The following ADAMTS3 variants were observed in gnomAD, a reference collection of about 807,000 sequenced individuals.
The protein encoded by ADAMTS3 is ADAM metallopeptidase with thrombospondin type 1 motif 3.
ADAMTS3 carries 73 observed loss-of-function variants against 129.0 expected under a neutral mutation model. The ratio of observed to expected loss-of-function variants is 0.57; its 90% CI spans 0.47 to 0.69. ADAMTS3 has a LOEUF of 0.69. Ranked by LOEUF, ADAMTS3 falls within the 30% of genes least tolerant of loss-of-function variation. ADAMTS3 has a pLI of 0.00. For synonymous variants in ADAMTS3, 477 were observed against 510.8 expected (o/e 0.93, Z 0.89); for missense variants, 1,457 against 1,514.5 (o/e 0.96, Z 0.63).
At chr4:72,352,904 A>G (rs561083995) in intron 4 of ADAMTS3, among the ~76,000 whole-genome samples, 1 of 152,164 alleles carries the variant, frequency 6.6e-6, no homozygotes, top group East Asian at 1.9e-4. Context: ...TGCGGTTACT[A>G]AGAGAGGTTG....
chr4:72,508,308 G>A (rs531167712), intron 3 of ADAMTS3, among the ~76,000 whole-genome samples: 8 of 152,184 alleles, frequency 5.3e-5, no homozygotes, highest in East Asian at 3.9e-4. Flanking sequence ...TAAGCAGACT[G>A]AATGGAAGAG....
chr4:72,330,346 T>A (rs936684817), intron 5 of ADAMTS3: 1 of 152,150 alleles, frequency 6.6e-6, no homozygotes, highest in East Asian at 1.9e-4. Flanking sequence ...TATCTAACAG[T>A]GATTCATCTC....
chr4:72,390,043 A>G lies in ADAMTS3; in HGVS notation c.661+24772T>C, dbSNP rs1027297521. On this transcript the variant is annotated intron_variant, in intron 4 of 21. Coordinates refer to ENST00000286657, the MANE Select transcript of ADAMTS3 (RefSeq NM_014243.3). ...AGAGGGGAAGCGGAACTGGGAAGAA[A>G]TACCATGAATACAAATGAGAGAAAA... Among the ~76,000 whole-genome samples, 14 of 152,212 alleles carry G rather than the reference A, an allele frequency of 9.2e-5. 1 individual carries two copies. The highest frequency in any genetic ancestry group is 1.6e-4 in the Non-Finnish European group (11 of 68,038).
chr4:72,330,776 T>A (rs1475652410), intron 5 of ADAMTS3: 1 of 152,224 alleles, frequency 6.6e-6, no homozygotes, highest in Admixed American at 6.5e-5. Flanking sequence ...CTTACTTCAT[T>A]TAAGTATCAA....
chr4:72,357,091 C>G (rs991212427), intron 4 of ADAMTS3, among the ~76,000 whole-genome samples: 1 of 151,442 alleles, frequency 6.6e-6, no homozygotes, highest in Non-Finnish European at 1.5e-5. Context: ...TTAAACATAC[C>G]CACTACAATG....
chr4:72,327,719 C>T (rs140557092), intron 5 of ADAMTS3, among the ~76,000 whole-genome samples: 1,599 of 152,262 alleles, frequency 0.011, 27 homozygotes, highest in Non-Finnish European at 0.012. Context: ...TGTCGTTATA[C>T]ATAGGATGTG....
intron 4 of ADAMTS3, among the ~76,000 whole-genome samples, chr4:72,342,663 C>T (rs1000449968): frequency 3.3e-5 from 5 of 152,108 alleles, no homozygotes; most frequent in Non-Finnish European, 7.4e-5. Context: ...TGAGCCACCA[C>T]ACCTGGCCCC....
At chr4:72,514,089 T>A (rs1578749379) in intron 3 of ADAMTS3, among the ~76,000 whole-genome samples, 2 of 151,198 alleles carry the variant, frequency 1.3e-5, no homozygotes, top group East Asian at 3.9e-4. Flanking sequence ...CCTCTCCTTC[T>A]CTCTCTCTCT....
At chr4:72,288,061 T>C (rs1578552209) in intron 21 of ADAMTS3, among the ~76,000 whole-genome samples, 1 of 152,130 alleles carries the variant, frequency 6.6e-6, no homozygotes, top group Non-Finnish European at 1.5e-5. Flanking sequence ...AGACAGGGTT[T>C]TACCATGTTG....
chr4:72,303,104 C>T (rs1415818251), intron 17 of ADAMTS3, among the ~76,000 whole-genome samples: 1 of 152,152 alleles, frequency 6.6e-6, no homozygotes. Flanking sequence ...GCTATAAGGA[C>T]CTCACGCAGC....
At chr4:72,516,792 T>C (rs1384190245) in intron 3 of ADAMTS3, among the ~76,000 whole-genome samples, 1 of 152,042 alleles carries the variant, frequency 6.6e-6, no homozygotes, top group East Asian at 1.9e-4. Context: ...ACAGGGACAA[T>C]TTGACTTCCT....
chr4:72,494,132 A>C (rs931141874), intron 3 of ADAMTS3, among the ~76,000 whole-genome samples: 10 of 152,158 alleles, frequency 6.6e-5, no homozygotes, highest in African/African-American at 2.4e-4. Flanking sequence ...AGATTTGGGA[A>C]GTTTTCAGAT....
intron 3 of ADAMTS3, among the ~76,000 whole-genome samples, chr4:72,480,358 T>C (rs1719396917): frequency 6.6e-6 from 1 of 152,162 alleles, no homozygotes; most frequent in Admixed American, 6.5e-5. Context: ...TGGAATACTA[T>C]GCAGCCATAA....
intron 3 of ADAMTS3, among the ~76,000 whole-genome samples, chr4:72,428,728 G>C (rs764653164): frequency 3.3e-5 from 5 of 151,694 alleles, no homozygotes; most frequent in African/African-American, 7.3e-5. Context: ...AAACTCTCTG[G>C]AGCTCAGTTT....
At chr4:72,451,066 T>C (rs546246449) in intron 3 of ADAMTS3, among the ~76,000 whole-genome samples, 2 of 151,294 alleles carry the variant, frequency 1.3e-5, no homozygotes, top group South Asian at 4.2e-4. Context: ...CAGTTTCTAT[T>C]ATTTTCACTG....
intron 3 of ADAMTS3, among the ~76,000 whole-genome samples, chr4:72,543,238 C>T (rs1721381545): frequency 6.6e-6 from 1 of 152,106 alleles, no homozygotes; most frequent in Non-Finnish European, 1.5e-5. Context: ...ATTACCCAGT[C>T]TCAGGTATAT....
chr4:72,567,433 A>G, intron 1 of ADAMTS3, 32 bp from the exon 2 acceptor site: 1 of 1,609,390 alleles, frequency 6.2e-7, no homozygotes, highest in Non-Finnish European at 8.5e-7. Flanking sequence ...AGAAAAAGAA[A>G]GTTACTGGGT....
chr4:72,377,156 T>A (rs1328940201), intron 4 of ADAMTS3, among the ~76,000 whole-genome samples: 1 of 152,152 alleles, frequency 6.6e-6, no homozygotes, highest in Non-Finnish European at 1.5e-5. Context: ...ACCACCACCC[T>A]GCTTGAGCTC....
intron 4 of ADAMTS3, among the ~76,000 whole-genome samples, chr4:72,390,116 T>C (rs1721553188): frequency 6.6e-6 from 1 of 152,156 alleles, no homozygotes; most frequent in Admixed American, 6.5e-5. Context: ...AAATCTCAAG[T>C]GTACTAGAGG....
Sources: allele counts gnomAD v4.1 joint callset (sites outside exome capture counted in the v4.1 genomes callset), GRCh38; gene constraint gnomAD v4.1.1; transcripts MANE v1.5; gene names NCBI Gene and HGNC (gene_info 2026-07-23, HGNC 2026-07-21).